LPP: variants seen among roughly 807,000 people sequenced by gnomAD.
LPP encodes lipoma-preferred partner.
Under a neutral mutation model 60.4 loss-of-function variants are expected in LPP, and 38 were observed. That is an observed-to-expected ratio of 0.63 (90% CI 0.49 to 0.83). LPP has a LOEUF of 0.83. LPP is among the 40% of genes least tolerant of loss of function. The pLI is 0.00. For synonymous variants in LPP, 328 were observed against 290.8 expected (o/e 1.13, Z -1.30); for missense variants, 902 against 783.6 (o/e 1.15, Z -1.80).
chr3:188,448,938 A>G (rs7641738), intron 4 of LPP, among the ~76,000 whole-genome samples: 3,360 of 152,304 alleles, frequency 0.022, 141 homozygotes, highest in African/African-American at 0.078. Context: ...TGCCTTCTGC[A>G]GCAACATGGA....
chr3:188,626,109 C>T (rs975977968), intron 7 of LPP, among the ~76,000 whole-genome samples: 24 of 152,106 alleles, frequency 1.6e-4, no homozygotes, highest in Admixed American at 2.0e-4. Flanking sequence ...CTTCTGTATG[C>T]ATAAAAGTAT....
At chr3:188,322,594 T>G (rs1422120621) in intron 2 of LPP, among the ~76,000 whole-genome samples, 1 of 152,176 alleles carries the variant, frequency 6.6e-6, no homozygotes, top group African/African-American at 2.4e-5. Flanking sequence ...CGGCCTGAGT[T>G]TTAAGTAATA....
chr3:188,789,672 A>C (rs1743080626), intron 9 of LPP, among the ~76,000 whole-genome samples: 1 of 152,216 alleles, frequency 6.6e-6, no homozygotes, highest in Non-Finnish European at 1.5e-5. Flanking sequence ...TCATGTTTAC[A>C]GGAATAATCA....
chr3:188,693,566 C>A (rs1862561345), intron 7 of LPP, among the ~76,000 whole-genome samples: 3 of 152,040 alleles, frequency 2.0e-5, no homozygotes, highest in Non-Finnish European at 4.4e-5. Flanking sequence ...AACAAGAAGA[C>A]CATAGGGCTG....
At chr3:188,832,179 T>TTA (rs1757297694) in intron 9 of LPP, among the ~76,000 whole-genome samples, 1 of 152,186 alleles carries the variant, frequency 6.6e-6, no homozygotes, top group South Asian at 2.1e-4. Context: ...GGGGTGTAAC[T>TTA]TACCATGATT....
At chr3:188,543,204 T>G (rs1012643920) in intron 6 of LPP, among the ~76,000 whole-genome samples, 1 of 152,040 alleles carries the variant, frequency 6.6e-6, no homozygotes, top group Admixed American at 6.6e-5. Flanking sequence ...GAGATGTTGG[T>G]GGATTGGGGG....
chr3:188,535,296 T>G (rs1162333092), intron 6 of LPP, among the ~76,000 whole-genome samples: 1 of 152,158 alleles, frequency 6.6e-6, no homozygotes, highest in African/African-American at 2.4e-5. Context: ...CGTAACAGAA[T>G]ATACCTTACA....
At chr3:188,620,923 G>A (rs757910082) in intron 7 of LPP, among the ~76,000 whole-genome samples, 69 of 152,134 alleles carry the variant, frequency 4.5e-4, no homozygotes, top group Non-Finnish European at 8.2e-4. Flanking sequence ...TACATTGCAT[G>A]TATCAGGCAC....
intron 2 of LPP, among the ~76,000 whole-genome samples, chr3:188,317,793 GA>G (rs60864707): frequency 6.6e-6 from 1 of 151,814 alleles, no homozygotes; most frequent in African/African-American, 2.4e-5. Context: ...GAATTGGGGG[GA>G]AAAATGAAGC....
intron 3 of LPP, among the ~76,000 whole-genome samples, chr3:188,395,272 G>T (rs2148732687): frequency 6.6e-6 from 1 of 152,286 alleles, no homozygotes; most frequent in South Asian, 2.1e-4. Context: ...AGGCTGGAGT[G>T]CAGTGGCATG....
chr3:188,600,365 C>T (rs1840886129), intron 6 of LPP, among the ~76,000 whole-genome samples: 1 of 150,592 alleles, frequency 6.6e-6, no homozygotes, highest in Non-Finnish European at 1.5e-5. Context: ...CCAAAAATAA[C>T]CCCTTTAAAA....
At chr3:188,373,974 C>T (rs1192775713) in intron 3 of LPP, among the ~76,000 whole-genome samples, 5 of 152,136 alleles carry the variant, frequency 3.3e-5, no homozygotes, top group Non-Finnish European at 5.9e-5. Flanking sequence ...AATCCTTTCC[C>T]CATTATTTGT....
intron 5 of LPP, among the ~76,000 whole-genome samples, chr3:188,494,724 A>G (rs948682749): frequency 1.3e-5 from 2 of 152,040 alleles, no homozygotes; most frequent in East Asian, 2.0e-4. Flanking sequence ...GATGGTTAAC[A>G]CTGCAAGTGC....
chr3:188,559,046 C>T (rs939247944), intron 6 of LPP, among the ~76,000 whole-genome samples: 2 of 152,082 alleles, frequency 1.3e-5, no homozygotes, highest in African/African-American at 4.8e-5. Flanking sequence ...GCCTCTACCC[C>T]TGTCTAGCTA....
chr3:188,481,068 G>A (rs1176663518), intron 4 of LPP, among the ~76,000 whole-genome samples: 1 of 152,152 alleles, frequency 6.6e-6, no homozygotes, highest in African/African-American at 2.4e-5. Context: ...CAACTTAGAG[G>A]CATTTTCCTT....
At chr3:188,264,798 C>G (rs13068486) in intron 2 of LPP, among the ~76,000 whole-genome samples, 12 of 128,008 alleles carry the variant, frequency 9.4e-5, no homozygotes, top group Admixed American at 3.2e-4. Flanking sequence ...CTGTGTGTGT[C>G]TCTCTCTCTT....
intron 7 of LPP, among the ~76,000 whole-genome samples, chr3:188,658,048 G>A (rs1310745315): frequency 6.6e-6 from 1 of 151,606 alleles, no homozygotes; most frequent in Non-Finnish European, 1.5e-5. Flanking sequence ...TCAACACAGT[G>A]ACAGTGACAA....
At chr3:188,240,785 G>C (rs1275659193) in intron 2 of LPP, among the ~76,000 whole-genome samples, 1 of 152,114 alleles carries the variant, frequency 6.6e-6, no homozygotes, top group Non-Finnish European at 1.5e-5. Flanking sequence ...CAAATGCAGG[G>C]CTGCTCTGTC....
intron 2 of LPP, among the ~76,000 whole-genome samples, chr3:188,287,505 G>A (rs1308539681): frequency 6.6e-6 from 1 of 152,154 alleles, no homozygotes; most frequent in Non-Finnish European, 1.5e-5. Flanking sequence ...GAAGAGAGAA[G>A]CCAGATGGTT....
Sources: allele counts gnomAD v4.1 joint callset (sites outside exome capture counted in the v4.1 genomes callset), GRCh38; gene constraint gnomAD v4.1.1; transcripts MANE v1.5; gene names NCBI Gene and HGNC (gene_info 2026-07-23, HGNC 2026-07-21).